Variants in C10orf90 observed in about 807,000 individuals in gnomAD.
The protein encoded by C10orf90 is (E2-independent) E3 ubiquitin-conjugating enzyme FATS.
A neutral mutation model predicts 62.5 loss-of-function variants in C10orf90; 56 were observed. That is an observed-to-expected ratio of 0.90 (90% CI 0.72 to 1.12). The LOEUF is 1.12. Ranked by LOEUF, C10orf90 falls within the 50% of genes most tolerant of loss-of-function variation. C10orf90 has a pLI of 0.00. For synonymous variants in C10orf90, 386 were observed against 340.4 expected (o/e 1.13, Z -1.47); for missense variants, 970 against 880.4 (o/e 1.10, Z -1.29).
chr10:126,525,251 G>A (rs992059691), intron 2 of C10orf90, among the ~76,000 whole-genome samples: 2 of 152,300 alleles, frequency 1.3e-5, no homozygotes, highest in Non-Finnish European at 2.9e-5. Context: ...AGAGGATCTG[G>A]AGGCGCATTC....
intron 7 of C10orf90, among the ~76,000 whole-genome samples, chr10:126,440,234 G>A (rs1858217900): frequency 6.6e-6 from 1 of 152,158 alleles, no homozygotes; most frequent in Admixed American, 6.5e-5. Context: ...CCTTTGGATT[G>A]CGTGGGAGCT....
intron 1 of C10orf90, among the ~76,000 whole-genome samples, chr10:126,647,751 T>A (rs536716205): frequency 2.0e-5 from 3 of 152,228 alleles, no homozygotes; most frequent in African/African-American, 7.2e-5. Flanking sequence ...TTATGTATGC[T>A]CAGTGCTTTA....
intron 2 of C10orf90, among the ~76,000 whole-genome samples, chr10:126,514,638 C>T (rs1863331474): frequency 6.6e-6 from 1 of 152,182 alleles, no homozygotes. Context: ...ATTCCTCATC[C>T]ACCACACCTG....
intron 4 of C10orf90, among the ~76,000 whole-genome samples, chr10:126,488,359 A>T (rs184110775): frequency 6.6e-6 from 1 of 152,248 alleles, no homozygotes; most frequent in African/African-American, 2.4e-5. Flanking sequence ...AAAACAATAC[A>T]TACCAAAATT....
chr10:126,537,391 C>T (rs757845769), intron 2 of C10orf90, among the ~76,000 whole-genome samples: 2 of 152,140 alleles, frequency 1.3e-5, no homozygotes, highest in Non-Finnish European at 2.9e-5. Context: ...AAAGCTATTG[C>T]CTAGCAACCT....
At chr10:126,645,596 A>G (rs1027597859) in intron 2 of C10orf90, among the ~76,000 whole-genome samples, 3 of 151,982 alleles carry the variant, frequency 2.0e-5, no homozygotes, top group Non-Finnish European at 4.4e-5. Flanking sequence ...CCTAAAAAAA[A>G]AAAAAAAAAA....
intron 4 of C10orf90, among the ~76,000 whole-genome samples, chr10:126,471,087 A>G (rs1370957583): frequency 6.6e-6 from 1 of 152,228 alleles, no homozygotes; most frequent in Non-Finnish European, 1.5e-5. Flanking sequence ...GGCGGATAGC[A>G]AATGGGATAA....
At chr10:126,477,320 A>T (rs2133790618) in intron 4 of C10orf90, among the ~76,000 whole-genome samples, 1 of 151,734 alleles carries the variant, frequency 6.6e-6, no homozygotes, top group Non-Finnish European at 1.5e-5. Context: ...CATGAAAAAA[A>T]AAAAAGATAG....
At chr10:126,563,098 C>T (rs180870454) in intron 2 of C10orf90, among the ~76,000 whole-genome samples, 3 of 152,334 alleles carry the variant, frequency 2.0e-5, no homozygotes, top group Non-Finnish European at 2.9e-5. Context: ...GTGGCAAATG[C>T]TACAACTCGG....
Position 126,459,239 on chromosome 10 carries a change from C to T in C10orf90, c.2011-22G>A, listed in dbSNP as rs150948774. The stretch of plus-strand genomic sequence containing the variant: ...CTTCCTATGCAAAGCAAAGAAAATA[C>T]GTCATTTTTAAGAGCAGTGACACAG... On this transcript the variant is annotated intron_variant, in intron 6 of 9. Coordinates refer to ENST00000488181, the MANE Select transcript of C10orf90 (RefSeq NM_001350921.2). The T allele has an allele frequency of 6.6e-5, 107 of 1,611,742 alleles. No individual in the cohort carries two copies. In the Admixed American group the frequency reaches 1.2e-3, roughly 18 times the overall value.
chr10:126,502,666 G>A (rs761331733), intron 4 of C10orf90: 1 of 365,396 alleles, frequency 2.7e-6, no homozygotes, highest in Non-Finnish European at 5.5e-6. Context: ...GTTTAAAAAT[G>A]AGGATGTGCT....
chr10:126,624,690 G>C (rs1375302418), intron 2 of C10orf90, among the ~76,000 whole-genome samples: 1 of 152,122 alleles, frequency 6.6e-6, no homozygotes, highest in Non-Finnish European at 1.5e-5. Flanking sequence ...CTTATCCCAG[G>C]GTCAAAGTCC....
chr10:126,609,819 C>A (rs1259405107), intron 2 of C10orf90, among the ~76,000 whole-genome samples: 1 of 152,208 alleles, frequency 6.6e-6, no homozygotes, highest in Non-Finnish European at 1.5e-5. Context: ...TGGGTTTGTT[C>A]TGAGAGAGCT....
chr10:126,501,509 G>A (rs944271697), intron 4 of C10orf90, among the ~76,000 whole-genome samples: 1 of 152,150 alleles, frequency 6.6e-6, no homozygotes, highest in Non-Finnish European at 1.5e-5. Context: ...ATCCCACGGA[G>A]CCTCTTTTCT....
chr10:126,579,909 T>G (rs1844710683), intron 2 of C10orf90, among the ~76,000 whole-genome samples: 1 of 152,186 alleles, frequency 6.6e-6, no homozygotes, highest in African/African-American at 2.4e-5. Context: ...GGTTAGCATT[T>G]GTTCGAAATC....
intron 2 of C10orf90, among the ~76,000 whole-genome samples, chr10:126,571,795 C>T (rs1024376041): frequency 2.0e-5 from 3 of 152,194 alleles, no homozygotes; most frequent in East Asian, 1.9e-4. Flanking sequence ...CCTGGGACTC[C>T]AGGCGTAAAT....
chr10:126,538,870 C>A (rs528867538), intron 2 of C10orf90, among the ~76,000 whole-genome samples: 113 of 152,322 alleles, frequency 7.4e-4, no homozygotes, highest in Non-Finnish European at 1.3e-3. Context: ...AAAAGCACAG[C>A]TAATTGCTAA....
rs192444483 is a variant in C10orf90 at position 126,633,692 on chromosome 10, C to A, written c.313+12873G>T. ...TCAGGTCATCCAACAGGTTGTCCTT[C>A]CCTTCTGTGAGACCCACCCCAGTGC... On this transcript the variant is annotated intron_variant, in intron 2 of 9. Coordinates refer to ENST00000488181, the MANE Select transcript of C10orf90 (RefSeq NM_001350921.2). Among the ~76,000 whole-genome samples the A allele has an allele frequency of 1.5e-4, 23 of 152,314 alleles. No individual in the cohort carries two copies. In the East Asian group the frequency reaches 4.1e-3, roughly 27 times the overall value.
rs376384964 is a variant in C10orf90 at position 126,504,715 on chromosome 10, G to C, written c.776C>G (p.Ser259Cys). The C allele has an allele frequency of 2.2e-5, 36 of 1,609,928 alleles. No individual in the cohort carries two copies. The highest frequency in any genetic ancestry group is 1.7e-4 in the African/African-American group (13 of 74,834). ...CTCAGCCCTGCACTTGGGGCACAGAGAGTCCCCAGCAGTCCCCCACACCAG... is the reference window on the plus strand; with the variant it reads ...CTCAGCCCTGCACTTGGGGCACAGACAGTCCCCAGCAGTCCCCCACACCAG... ...RALVWGTAGD[S>C]LCPKCRAEDT... Residue 259 changes from serine to cysteine, a missense_variant, in exon 4 of 10, where the codon TCT (serine) becomes TGT (cysteine). Transcript: ENST00000488181. This position sits in a 1 kb window ranked among gnomAD's most constrained non-coding sequence, Gnocchi z 4.1.
Sources: allele counts gnomAD v4.1 joint callset (sites outside exome capture counted in the v4.1 genomes callset), GRCh38; gene constraint gnomAD v4.1.1; non-coding constraint Gnocchi (gnomAD v3.1); transcripts MANE v1.5; gene names NCBI Gene and HGNC (gene_info 2026-07-23, HGNC 2026-07-21).